Variants in LRRC7 observed in about 807,000 individuals in gnomAD.
The protein encoded by LRRC7 is leucine rich repeat containing 7, also known as leucine-rich repeat-containing protein 7.
LRRC7 carries 23 observed loss-of-function variants against 175.7 expected under a neutral mutation model. The observed-to-expected ratio is 0.13, with a 90% CI of 0.09 to 0.19. The LOEUF is 0.19. Ranked by LOEUF, LRRC7 falls within the 10% of genes least tolerant of loss-of-function variation. The pLI, the probability that LRRC7 is intolerant of heterozygous loss-of-function variation, is 1.00. For missense variants in LRRC7, 1,354 were observed against 1,904.7 expected (o/e 0.71, Z 5.38); for synonymous variants, 685 against 680.9 (o/e 1.01, Z -0.09).
chr1:69,901,048 T>G (rs1407667194), intron 7 of LRRC7, among the ~76,000 whole-genome samples: 1 of 152,174 alleles, frequency 6.6e-6, no homozygotes, highest in Non-Finnish European at 1.5e-5. Context: ...AATTTAGACT[T>G]TTTCTTTAAA....
chr1:69,712,584 G>A lies in LRRC7; in HGVS notation c.100+34106G>A, dbSNP rs981603896. Among the ~76,000 whole-genome samples the A allele has an allele frequency of 9.2e-5, 14 of 152,226 alleles. No homozygotes were observed. In the East Asian group the frequency reaches 1.2e-3, roughly 13 times the overall value. On this transcript the variant is annotated intron_variant, in intron 2 of 26. Coordinates refer to ENST00000651989, the MANE Select transcript of LRRC7 (RefSeq NM_001370785.2). The stretch of plus-strand genomic sequence containing the variant: ...TGCGCCATTGCACTCCAGCCTGGGC[G>A]ACAGAGCGAGACTCCATCTCACAAA...
At chr1:69,835,031 A>C (rs557407525) in intron 6 of LRRC7, among the ~76,000 whole-genome samples, 162 bp downstream of exon 6, 1 of 152,228 alleles carries the variant, frequency 6.6e-6, no homozygotes, top group East Asian at 1.9e-4. Flanking sequence ...TTTTGCAAAA[A>C]TATAAAGTAA....
chr1:69,650,722 C>G, intron 1 of LRRC7, among the ~76,000 whole-genome samples: 1 of 67,614 alleles, frequency 1.5e-5, no homozygotes, highest in Non-Finnish European at 3.0e-5. Context: ...GCTTCCTAAA[C>G]AAAATATGTT....
At chr1:69,712,043 A>T (rs947294694) in intron 2 of LRRC7, among the ~76,000 whole-genome samples, 2 of 152,222 alleles carry the variant, frequency 1.3e-5, no homozygotes, top group Non-Finnish European at 2.9e-5. Flanking sequence ...TTGACTAAAA[A>T]TCTAGAAACC....
At chr1:69,671,555 G>T (rs1260243422) in intron 1 of LRRC7, among the ~76,000 whole-genome samples, 1 of 152,128 alleles carries the variant, frequency 6.6e-6, no homozygotes, top group Non-Finnish European at 1.5e-5. Context: ...GCTGAGCCCA[G>T]TTCAGTCCTA....
At chr1:69,989,551 C>T (rs1654239603) in intron 10 of LRRC7, among the ~76,000 whole-genome samples, 1 of 151,822 alleles carries the variant, frequency 6.6e-6, no homozygotes, top group African/African-American at 2.4e-5. Context: ...AGGAACAGAA[C>T]AGGCACATAG....
At chr1:69,907,241 A>G (rs1377165424) in intron 7 of LRRC7, among the ~76,000 whole-genome samples, 1 of 152,124 alleles carries the variant, frequency 6.6e-6, no homozygotes, top group African/African-American at 2.4e-5. Flanking sequence ...TCCTAATCGA[A>G]TACCCTTTAT....
At chr1:70,059,606 T>A (rs1241608197) in intron 23 of LRRC7, among the ~76,000 whole-genome samples, 2 of 152,014 alleles carry the variant, frequency 1.3e-5, no homozygotes, top group Non-Finnish European at 2.9e-5. Flanking sequence ...AATACTTTTT[T>A]AAAGATTTTT....
At chr1:69,797,107 T>C (rs1336728880) in intron 4 of LRRC7, among the ~76,000 whole-genome samples, 1 of 152,130 alleles carries the variant, frequency 6.6e-6, no homozygotes, top group African/African-American at 2.4e-5. Flanking sequence ...AAGAATTATA[T>C]AGAGACATTC....
chr1:70,108,202 A>G (rs1665275619), intron 26 of LRRC7, among the ~76,000 whole-genome samples: 1 of 151,900 alleles, frequency 6.6e-6, no homozygotes, highest in Non-Finnish European at 1.5e-5. Flanking sequence ...GAACTGGTCC[A>G]TATTTAATTT....
chr1:69,705,932 C>T (rs1345756468), intron 2 of LRRC7, among the ~76,000 whole-genome samples: 2 of 152,134 alleles, frequency 1.3e-5, no homozygotes, highest in Non-Finnish European at 2.9e-5. Flanking sequence ...TCAATCAATG[C>T]ATTCTACCAC....
At chr1:69,650,832 T>C (rs564756581) in intron 1 of LRRC7, among the ~76,000 whole-genome samples, 2 of 152,320 alleles carry the variant, frequency 1.3e-5, no homozygotes, top group South Asian at 4.1e-4. Context: ...TTTGGGAGCA[T>C]ATTGCAAGCA....
intron 2 of LRRC7, among the ~76,000 whole-genome samples, chr1:69,688,680 C>T (rs530519114): frequency 4.0e-5 from 6 of 149,950 alleles, no homozygotes; most frequent in African/African-American, 1.2e-4. Flanking sequence ...GGAAAATACT[C>T]CCTATTTTAT....
intron 1 of LRRC7, among the ~76,000 whole-genome samples, chr1:69,669,316 G>A (rs1658721264): frequency 6.6e-6 from 1 of 152,108 alleles, no homozygotes; most frequent in Admixed American, 6.5e-5. Context: ...TTATCTGCAT[G>A]TTCAAAGGAT....
chr1:69,722,304 ATTGAT>A, intron 2 of LRRC7, among the ~76,000 whole-genome samples: 1 of 151,930 alleles, frequency 6.6e-6, no homozygotes. Context: ...CGTACATTGT[ATTGAT>A]TTATTTTGCA....
At chr1:69,839,211 G>A (rs1003247536) in intron 7 of LRRC7, among the ~76,000 whole-genome samples, 4 of 151,958 alleles carry the variant, frequency 2.6e-5, no homozygotes, top group Non-Finnish European at 4.4e-5. Flanking sequence ...ACCTTCAAGT[G>A]CATTTTATGT....
intron 9 of LRRC7, among the ~76,000 whole-genome samples, chr1:69,981,052 T>C (rs1653373128): frequency 6.6e-6 from 1 of 152,204 alleles, no homozygotes; most frequent in African/African-American, 2.4e-5. Context: ...AGTGTGATTA[T>C]TCCTACTTTT....
chr1:69,764,730 CAGAT>C (rs112836690), intron 3 of LRRC7, among the ~76,000 whole-genome samples: 5,554 of 140,324 alleles, frequency 0.04, 131 homozygotes, highest in African/African-American at 0.064. Flanking sequence ...GATAGATAGA[CAGAT>C]AGATAGATAG....
chr1:70,121,610 T>G (rs1450216110), intron 26 of LRRC7, among the ~76,000 whole-genome samples, 170 bp from the exon 27 acceptor site: 1 of 152,044 alleles, frequency 6.6e-6, no homozygotes, highest in Non-Finnish European at 1.5e-5. Flanking sequence ...ATTGATAAAT[T>G]TGGTTGAATC....
Sources: gnomAD v4.1 joint callset for allele counts (sites outside exome capture counted in the v4.1 genomes callset) on GRCh38, gnomAD v4.1.1 for gene constraint, MANE v1.5 for transcripts, NCBI Gene and HGNC (gene_info 2026-07-23, HGNC 2026-07-21) for gene names.